The following GRIK2 variants were observed in gnomAD, a reference collection of about 807,000 sequenced individuals.
GRIK2 encodes glutamate receptor ionotropic, kainate 2.
In GRIK2, 32 loss-of-function variants were observed where a neutral mutation model predicts 100.3. That is an observed-to-expected ratio of 0.32 (90% CI 0.24 to 0.43). The LOEUF is 0.43. GRIK2 is among the 20% of genes least tolerant of loss of function. The pLI is 1.00. For missense variants in GRIK2, 843 were observed against 1,114.9 expected (o/e 0.76, Z 3.47); for synonymous variants, 417 against 389.4 (o/e 1.07, Z -0.83).
chr6:101,559,111 A>C (rs1776877376), intron 2 of GRIK2, among the ~76,000 whole-genome samples: 1 of 152,006 alleles, frequency 6.6e-6, no homozygotes, highest in Non-Finnish European at 1.5e-5. Context: ...CCCTATTTTC[A>C]TACTCATTTA....
intron 12 of GRIK2, among the ~76,000 whole-genome samples, chr6:101,903,197 G>T (rs1184790087): frequency 6.6e-6 from 1 of 151,766 alleles, no homozygotes; most frequent in Non-Finnish European, 1.5e-5. Context: ...TGCTTAGATC[G>T]CCCTAGCTGC....
intron 2 of GRIK2, among the ~76,000 whole-genome samples, chr6:101,556,466 T>C (rs1175053979): frequency 1.3e-5 from 2 of 151,340 alleles, no homozygotes; most frequent in Non-Finnish European, 2.9e-5. Context: ...TCCCGAGATA[T>C]ATTGGTAATT....
At chr6:101,896,040 C>G (rs1335903289) in intron 12 of GRIK2, among the ~76,000 whole-genome samples, 1 of 151,668 alleles carries the variant, frequency 6.6e-6, no homozygotes, top group Non-Finnish European at 1.5e-5. Flanking sequence ...GATGAGGCTA[C>G]TTCTGCACTA....
chr6:101,932,913 C>G (rs373243534), intron 14 of GRIK2, among the ~76,000 whole-genome samples: 1 of 151,944 alleles, frequency 6.6e-6, no homozygotes, highest in African/African-American at 2.4e-5. Context: ...TCCTTCTACA[C>G]CAGGGTGACA....
chr6:101,868,429 A>G (rs1019217835), intron 11 of GRIK2, among the ~76,000 whole-genome samples: 8 of 151,838 alleles, frequency 5.3e-5, no homozygotes, highest in Non-Finnish European at 1.2e-4. Context: ...GTAAATTTAC[A>G]ATGACACTAT....
At chr6:101,508,436 C>T (rs952304240) in intron 2 of GRIK2, among the ~76,000 whole-genome samples, 1 of 149,296 alleles carries the variant, frequency 6.7e-6, no homozygotes, top group Non-Finnish European at 1.5e-5. Context: ...AGTCATCCCT[C>T]AATATTATTA....
rs758065488 is a variant in GRIK2, at chr6:101,574,992, C to G, written c.116-46957C>G. Among the ~76,000 whole-genome samples, 8 of 151,768 alleles carry G rather than the reference C, an allele frequency of 5.3e-5. No homozygotes were observed. In the South Asian group the frequency reaches 8.3e-4, roughly 16 times the overall value. ...TATCAAGAGTTACTTCTTTCAAATG[C>G]AAATATGTTGCACCTACTAAAAGTG... On this transcript the variant is annotated intron_variant, in intron 2 of 16. Coordinates refer to ENST00000369134, the MANE Select transcript of GRIK2 (RefSeq NM_021956.5).
At chr6:101,501,973 A>G (rs1032821172) in intron 2 of GRIK2, among the ~76,000 whole-genome samples, 1 of 152,078 alleles carries the variant, frequency 6.6e-6, no homozygotes, top group South Asian at 2.1e-4. Context: ...GTTTCACCTC[A>G]AGTGATCTGC....
intron 2 of GRIK2, among the ~76,000 whole-genome samples, chr6:101,482,009 A>G (rs560753240): frequency 2.0e-5 from 3 of 152,242 alleles, no homozygotes; most frequent in African/African-American, 7.2e-5. Context: ...CATGAATGTA[A>G]GTTTCCTGAG....
chr6:101,699,271 C>T (rs929955524), intron 7 of GRIK2, among the ~76,000 whole-genome samples: 1 of 152,006 alleles, frequency 6.6e-6, no homozygotes, highest in Non-Finnish European at 1.5e-5. Context: ...CCATTTTTGC[C>T]AATTGTCTCC....
At chr6:101,853,319 T>C (rs1180316635) in intron 10 of GRIK2, among the ~76,000 whole-genome samples, 2 of 152,292 alleles carry the variant, frequency 1.3e-5, no homozygotes, top group Admixed American at 1.3e-4. Flanking sequence ...AAGACTGCAT[T>C]GAAACATATG....
intron 2 of GRIK2, among the ~76,000 whole-genome samples, chr6:101,480,899 T>TA (rs981061068): frequency 6.6e-5 from 10 of 152,068 alleles, no homozygotes; most frequent in Non-Finnish European, 5.9e-5. Context: ...TTGAAAGCAG[T>TA]AAAAAAACCT....
chr6:101,831,783 G>T (rs1036547010), intron 10 of GRIK2, among the ~76,000 whole-genome samples: 4 of 152,024 alleles, frequency 2.6e-5, no homozygotes, highest in African/African-American at 9.7e-5. Flanking sequence ...GATATGCAAT[G>T]AAAATACTAG....
Position 101,789,015 on chromosome 6 carries a change from G to C in GRIK2, c.952-10633G>C, listed in dbSNP as rs1248477355. 3.3e-5 allele frequency among the ~76,000 whole-genome samples: 5 copies of C among 152,120 alleles called. 1 individual carries two copies. The highest frequency in any genetic ancestry group is 7.4e-5 in the Non-Finnish European group (5 of 68,016). On this transcript the variant is annotated intron_variant, in intron 7 of 16. Coordinates refer to ENST00000369134, the MANE Select transcript of GRIK2 (RefSeq NM_021956.5). ...TTGCTGCATAAATGTCTTTTTTTGA[G>C]AAGTGTGTGTTCATATCCTTCGCCC...
intron 4 of GRIK2, among the ~76,000 whole-genome samples, chr6:101,650,108 A>G (rs764006679): frequency 3.3e-5 from 5 of 152,138 alleles, no homozygotes; most frequent in Non-Finnish European, 7.4e-5. Flanking sequence ...GGACCTCTTT[A>G]TTAGAATGAA....
intron 14 of GRIK2, among the ~76,000 whole-genome samples, chr6:101,965,301 T>G (rs2248800): frequency 0.95 from 143,997 of 152,160 alleles, 68,160 homozygotes; most frequent in African/African-American, 0.97. Context: ...TTTGCATATT[T>G]GCTTAGAAAA....
intron 11 of GRIK2, among the ~76,000 whole-genome samples, chr6:101,867,055 C>T (rs1383888050): frequency 6.6e-6 from 1 of 151,820 alleles, no homozygotes; most frequent in Non-Finnish European, 1.5e-5. Flanking sequence ...AGATATTTTC[C>T]TATTTTTTAA....
At chr6:101,971,800 A>T (rs1032247402) in intron 14 of GRIK2, among the ~76,000 whole-genome samples, 3 of 151,866 alleles carry the variant, frequency 2.0e-5, no homozygotes, top group African/African-American at 7.2e-5. Context: ...CTTTATGACC[A>T]TGTATACTCA....
intron 1 of GRIK2, among the ~76,000 whole-genome samples, chr6:101,394,059 T>G (rs914228992): frequency 6.6e-6 from 1 of 152,204 alleles, no homozygotes; most frequent in Non-Finnish European, 1.5e-5. Context: ...CCGTCAAGCA[T>G]GCAAGTGGCT....
Sources: allele counts gnomAD v4.1 joint callset (sites outside exome capture counted in the v4.1 genomes callset), GRCh38; gene constraint gnomAD v4.1.1; transcripts MANE v1.5; gene names NCBI Gene and HGNC (gene_info 2026-07-23, HGNC 2026-07-21).